The following PTPN14 variants were observed in gnomAD, a reference collection of about 807,000 sequenced individuals.
PTPN14 encodes tyrosine-protein phosphatase non-receptor type 14.
PTPN14 carries 53 observed loss-of-function variants against 126.8 expected under a neutral mutation model. The observed-to-expected ratio is 0.42, with a 90% CI of 0.34 to 0.53. The LOEUF is 0.53. Among genes scored for constraint, PTPN14 ranks in the 20% least tolerant of loss-of-function variants. The pLI is 0.08. For missense variants in PTPN14, 1,257 were observed against 1,552.9 expected, an observed-to-expected ratio of 0.81 and a Z score of 3.20; for synonymous variants, 630 against 599.3, an observed-to-expected ratio of 1.05 and a Z score of -0.75.
chr1:214,530,936 T>C (rs1000367459), intron 1 of PTPN14: 3 of 152,138 alleles, frequency 2.0e-5, no homozygotes, highest in Admixed American at 2.0e-4. Flanking sequence ...ACATCCTCAT[T>C]CCCATTTACT....
chr1:214,523,485 A>G (rs1655311024), intron 1 of PTPN14, among the ~76,000 whole-genome samples: 1 of 152,220 alleles, frequency 6.6e-6, no homozygotes, highest in Non-Finnish European at 1.5e-5. Context: ...ACAGGTCTGT[A>G]GCCTAGGAGC....
At chr1:214,537,737 T>C (rs934099591) in intron 1 of PTPN14, among the ~76,000 whole-genome samples, 5 of 152,208 alleles carry the variant, frequency 3.3e-5, no homozygotes, top group African/African-American at 1.2e-4. Context: ...TCAGTCCTCT[T>C]AGGCATCACT....
intron 14 of PTPN14, among the ~76,000 whole-genome samples, 174 bp downstream of exon 14, chr1:214,377,785 G>A (rs1460720231): frequency 6.6e-6 from 1 of 152,156 alleles, no homozygotes; most frequent in Non-Finnish European, 1.5e-5. Flanking sequence ...GGAGAAACAT[G>A]AGATGCTGAA....
At chr1:214,490,912 GGGAAGGAAA>G (rs1558127206) in intron 1 of PTPN14, among the ~76,000 whole-genome samples, 2 of 17,070 alleles carry the variant, frequency 1.2e-4, no homozygotes, top group Non-Finnish European at 3.2e-4. Context: ...GGGGAAGGAA[GGGAAGGAAA>G]GAAAGGAAGG....
At chr1:214,436,708 A>AC (rs2102615313) in intron 3 of PTPN14, among the ~76,000 whole-genome samples, 1 of 149,370 alleles carries the variant, frequency 6.7e-6, no homozygotes, top group East Asian at 2.0e-4. Flanking sequence ...AATCACTTGA[A>AC]CCCGGGAGGC....
Position 214,394,997 on chromosome 1 carries a change from G to A in PTPN14, c.759-11C>T. 3 of 1,598,078 alleles carry A rather than the reference G, an allele frequency of 1.9e-6. No individual in the cohort carries two copies. The highest frequency in any genetic ancestry group is 2.6e-6 in the Non-Finnish European group (3 of 1,165,678). On this transcript the variant is annotated splice_polypyrimidine_tract_variant and intron_variant, in intron 8 of 18. Transcript: ENST00000366956. ...CCCATGTCATTCCACCTGGTTAGAA[G>A]AAATGTCACTGTGTTTACTCAACAA...
chr1:214,393,450 C>A (rs1004417043), intron 10 of PTPN14, among the ~76,000 whole-genome samples: 14 of 152,202 alleles, frequency 9.2e-5, no homozygotes, highest in African/African-American at 3.4e-4. Flanking sequence ...TGTGGGCCAA[C>A]CCATCCAGGC....
intron 18 of PTPN14, among the ~76,000 whole-genome samples, chr1:214,361,528 G>A (rs1657955881): frequency 6.6e-6 from 1 of 152,192 alleles, no homozygotes; most frequent in Admixed American, 6.5e-5. Context: ...CTGCCCCCAA[G>A]CCAAGGAAGC....
chr1:214,457,215 G>A (rs1660403709), intron 2 of PTPN14, among the ~76,000 whole-genome samples: 1 of 152,090 alleles, frequency 6.6e-6, no homozygotes. Context: ...TGATAGCTTT[G>A]GGTAAAACAG....
At chr1:214,418,407 A>G (rs1659472540) in intron 3 of PTPN14, among the ~76,000 whole-genome samples, 1 of 152,252 alleles carries the variant, frequency 6.6e-6, no homozygotes, top group South Asian at 2.1e-4. Context: ...CAATCCTTTC[A>G]TTTCTTAGAG....
At chr1:214,446,039 A>G (rs1660135209) in intron 3 of PTPN14, among the ~76,000 whole-genome samples, 1 of 152,180 alleles carries the variant, frequency 6.6e-6, no homozygotes, top group African/African-American at 2.4e-5. Context: ...CAAAATGGAA[A>G]AAATTACAGT....
At chr1:214,368,196 T>TTTATTTATTTA (rs1658128427) in intron 17 of PTPN14, among the ~76,000 whole-genome samples, 2 of 146,236 alleles carry the variant, frequency 1.4e-5, no homozygotes, top group African/African-American at 5.1e-5. Context: ...TGTTATTCGT[T>TTTATTTATTTA]TTTATTTATT....
chr1:214,358,012 C>T lies in PTPN14; in HGVS notation c.3474G>A (p.Glu1158=), dbSNP rs765436608. 5 of 1,613,700 alleles carry T rather than the reference C, an allele frequency of 3.1e-6. No individual in the cohort carries two copies. In the South Asian group the frequency reaches 3.3e-5, roughly 11 times the overall value. Residue 1158 remains glutamate, a synonymous_variant, in exon 19 of 19, where the codon GAG becomes GAA. Transcript: ENST00000366956. ...TAGTCTGGATCATGAACATCCTCTG[C>T]TCCCTGAGGAGCCTCAGCATCATGG... ...EVPMMLRLLR[E]QRMFMIQTIA...
At chr1:214,366,542 G>A (rs748906950) in intron 17 of PTPN14, among the ~76,000 whole-genome samples, 3 of 152,036 alleles carry the variant, frequency 2.0e-5, no homozygotes, top group South Asian at 2.1e-4. Flanking sequence ...GACTTCTGGC[G>A]GGCAGTAAAC....
intron 1 of PTPN14, among the ~76,000 whole-genome samples, chr1:214,484,276 C>T (rs566867379): frequency 6.6e-6 from 1 of 152,282 alleles, no homozygotes; most frequent in Admixed American, 6.5e-5. Flanking sequence ...TGGCAGCACA[C>T]ACCTGTGGTC....
chr1:214,375,447 C>G (rs1658323222), intron 15 of PTPN14, among the ~76,000 whole-genome samples: 1 of 152,150 alleles, frequency 6.6e-6, no homozygotes, highest in Admixed American at 6.5e-5. Context: ...AACAAATCTC[C>G]CACTTCAGAG....
rs1230401869 is a variant in PTPN14 at position 214,532,960 on chromosome 1, A to G, written c.-155+18223T>C. 5 of 781,938 alleles carry G rather than the reference A, an allele frequency of 6.4e-6. No individual in the cohort carries two copies. In the Admixed American group the frequency reaches 8.6e-5, roughly 13 times the overall value. The allele number at this position is 781,938 out of a possible 1,614,324, so 48.4% of individuals were successfully genotyped here. On this transcript the variant is annotated intron_variant, in intron 1 of 18. Coordinates refer to ENST00000366956, the MANE Select transcript of PTPN14 (RefSeq NM_005401.5). ...GGCCCAATATGACAAGCTGGCTCGG[A>G]AGAACCGAGAGGAGCTGGACAAGTG...
chr1:214,408,886 C>T (rs1417393191), intron 5 of PTPN14, among the ~76,000 whole-genome samples: 1 of 152,034 alleles, frequency 6.6e-6, no homozygotes, highest in Non-Finnish European at 1.5e-5. Flanking sequence ...AAAGAGCCAG[C>T]GTGCCAGAGG....
At chr1:214,522,746 T>G in intron 1 of PTPN14, among the ~76,000 whole-genome samples, 1 of 152,094 alleles carries the variant, frequency 6.6e-6, no homozygotes, top group East Asian at 1.9e-4. Context: ...AGGGCAAAAG[T>G]AAAGACCGCA....
Sources: gnomAD v4.1 joint callset for allele counts (sites outside exome capture counted in the v4.1 genomes callset) on GRCh38, gnomAD v4.1.1 for gene constraint, MANE v1.5 for transcripts, NCBI Gene and HGNC (gene_info 2026-07-23, HGNC 2026-07-21) for gene names.